Variants in KLF12 observed in about 807,000 individuals in gnomAD.
KLF12 encodes the protein KLF transcription factor 12, also known as Krueppel-like factor 12.
In KLF12, 9 loss-of-function variants were observed where a neutral mutation model predicts 37.8. That is an observed-to-expected ratio of 0.24 (90% CI 0.14 to 0.42). The LOEUF (loss-of-function observed/expected upper bound fraction) is 0.42, where lower values mean the gene tolerates loss of function less well. Ranked by LOEUF, KLF12 falls within the 10% of genes least tolerant of loss-of-function variation. The pLI, the probability that KLF12 is intolerant of heterozygous loss-of-function variation, is 1.00. For missense variants in KLF12, 411 were observed against 516.0 expected (o/e 0.80, Z 1.97); for synonymous variants, 208 against 202.1 (o/e 1.03, Z -0.25).
intron 3 of KLF12, among the ~76,000 whole-genome samples, chr13:73,879,915 C>G (rs570945142): frequency 1.2e-4 from 19 of 152,308 alleles, no homozygotes; most frequent in African/African-American, 4.1e-4. Context: ...CTTCATAAAA[C>G]AAGTTTGCTG....
intron 6 of KLF12, among the ~76,000 whole-genome samples, chr13:73,726,025 T>C (rs1294884073): frequency 1.1e-4 from 17 of 152,014 alleles, no homozygotes; most frequent in Non-Finnish European, 2.5e-4. Context: ...TGTGCCACCA[T>C]GCCCAGCTAA....
intron 3 of KLF12, among the ~76,000 whole-genome samples, chr13:73,926,744 G>A (rs188445664): frequency 3.3e-5 from 5 of 151,612 alleles, no homozygotes; most frequent in Non-Finnish European, 7.4e-5. Context: ...TAAATGGTTC[G>A]GTTTTAAGCA....
rs1246951191 is a variant in KLF12 at position 73,813,140 on chromosome 13, T to C, written c.806+12A>G. ...GGCAATTCTTAATTCATCCTGTGAA[T>C]GTGATACTTACTCTTGTACTGCTCT... On this transcript the variant is annotated intron_variant, in intron 5 of 7. Transcript: ENST00000377669. 3.1e-6 allele frequency: 5 copies of C among 1,613,036 alleles called. No homozygotes were observed. In the South Asian group the frequency reaches 3.3e-5, roughly 11 times the overall value.
intron 1 of KLF12, among the ~76,000 whole-genome samples, chr13:74,017,643 A>G (rs75175596): frequency 0.064 from 9,672 of 151,206 alleles, 555 homozygotes; most frequent in African/African-American, 0.15. Flanking sequence ...ACAAATAGAA[A>G]AATATGAAGG....
intron 1 of KLF12, among the ~76,000 whole-genome samples, chr13:74,017,897 C>G (rs1892740757): frequency 6.6e-6 from 1 of 151,958 alleles, no homozygotes; most frequent in African/African-American, 2.4e-5. Context: ...GCAGACAGTT[C>G]CAGAGCTGTC....
intron 7 of KLF12, among the ~76,000 whole-genome samples, chr13:73,709,449 A>C (rs1454168377): frequency 6.6e-6 from 1 of 152,208 alleles, no homozygotes; most frequent in Non-Finnish European, 1.5e-5. Flanking sequence ...GGTAAGGCTA[A>C]GAAGATGTTT....
At chr13:74,220,033 T>G in the KLF12 span, among the ~76,000 whole-genome samples, 1 of 152,200 alleles carries the variant, frequency 6.6e-6, no homozygotes, top group African/African-American at 2.4e-5. Flanking sequence ...TTGCATCTGC[T>G]TCGACTTTTT....
At chr13:73,970,407 C>T (rs17061815) in intron 2 of KLF12, among the ~76,000 whole-genome samples, 4 of 151,610 alleles carry the variant, frequency 2.6e-5, no homozygotes, top group African/African-American at 9.7e-5. Context: ...TGGCATACTC[C>T]AGTTCAGATG....
intron 4 of KLF12, among the ~76,000 whole-genome samples, chr13:73,834,278 C>T (rs1267046544): frequency 6.6e-6 from 1 of 152,098 alleles, no homozygotes; most frequent in Admixed American, 6.5e-5. Flanking sequence ...CTTTCTCTCC[C>T]CAAAGAACTG....
Position 73,973,341 on chromosome 13 carries a change from G to C in KLF12, c.33+21649C>G, listed in dbSNP as rs138457231. ...CTTAGCGGTAGCTTCCTGCCATTCT[G>C]CTCAAAGGTACAGAAATAGTCTGCA... On this transcript the variant is annotated intron_variant, in intron 2 of 7. Coordinates refer to ENST00000377669, the MANE Select transcript of KLF12 (RefSeq NM_007249.5). 2.6e-3 allele frequency among the ~76,000 whole-genome samples: 395 copies of C among 152,274 alleles called. 4 individuals are homozygous for C. The highest frequency in any genetic ancestry group is 8.8e-3 in the African/African-American group (365 of 41,542).
chr13:74,094,211 A>G (rs1272644529), intron 1 of KLF12, among the ~76,000 whole-genome samples: 1 of 152,212 alleles, frequency 6.6e-6, no homozygotes, highest in Non-Finnish European at 1.5e-5. Flanking sequence ...TCATTTATCT[A>G]CTTGAATTAG....
chr13:74,305,516 T>C, the KLF12 span, among the ~76,000 whole-genome samples: 1 of 152,244 alleles, frequency 6.6e-6, no homozygotes, highest in East Asian at 1.9e-4. Context: ...CTCTCTTTTT[T>C]TTAGGTTTAA....
At chr13:73,832,745 C>A (rs1884230447) in intron 4 of KLF12, among the ~76,000 whole-genome samples, 1 of 152,118 alleles carries the variant, frequency 6.6e-6, no homozygotes, top group Admixed American at 6.6e-5. Flanking sequence ...CTCTGTGGTA[C>A]AAATAAAAGT....
chr13:73,926,991 A>G lies in KLF12; in HGVS notation c.123+16990T>C, dbSNP rs530384083. The stretch of plus-strand genomic sequence containing the variant: ...CATGAATTCTTCCCAAAGTGTTAAC[A>G]TGGAATTGAAATAAAGTCATACGAA... On this transcript the variant is annotated intron_variant, in intron 3 of 7. Transcript: ENST00000377669. Among the ~76,000 whole-genome samples the G allele has an allele frequency of 3.9e-5, 6 of 152,174 alleles. No homozygotes were observed. In the East Asian group the frequency reaches 1.2e-3, roughly 29 times the overall value.
At chr13:74,219,303 C>G in the KLF12 span, among the ~76,000 whole-genome samples, 1 of 152,158 alleles carries the variant, frequency 6.6e-6, no homozygotes, top group Non-Finnish European at 1.5e-5. Flanking sequence ...AACATAATGA[C>G]CCATGAGATG....
intron 5 of KLF12, among the ~76,000 whole-genome samples, chr13:73,803,201 C>G (rs1594108418): frequency 6.6e-6 from 1 of 152,172 alleles, no homozygotes; most frequent in Non-Finnish European, 1.5e-5. Context: ...GGATTTGATG[C>G]TAGACTATTC....
At chr13:74,012,417 C>G (rs1408579927) in intron 1 of KLF12, among the ~76,000 whole-genome samples, 1 of 152,200 alleles carries the variant, frequency 6.6e-6, no homozygotes, top group Non-Finnish European at 1.5e-5. Flanking sequence ...TACACTGTTT[C>G]ATGTCCTGAA....
intron 3 of KLF12, among the ~76,000 whole-genome samples, chr13:73,860,998 T>C (rs532437833): frequency 6.6e-6 from 1 of 152,328 alleles, no homozygotes; most frequent in East Asian, 1.9e-4. Context: ...TCATATTTTG[T>C]ATTTTTGCTA....
chr13:74,138,525 ATGTTT>A (rs1446382355), upstream of KLF12, among the ~76,000 whole-genome samples: 1 of 152,228 alleles, frequency 6.6e-6, no homozygotes, highest in Non-Finnish European at 1.5e-5. Context: ...GGTAAACAAC[ATGTTT>A]TGATTTGGGG....
Sources: allele counts gnomAD v4.1 joint callset (sites outside exome capture counted in the v4.1 genomes callset), GRCh38; gene constraint gnomAD v4.1.1; transcripts MANE v1.5; gene names NCBI Gene and HGNC (gene_info 2026-07-23, HGNC 2026-07-21).